Variants in KLHL1 observed in about 807,000 individuals in gnomAD.
KLHL1 encodes the protein kelch-like protein 1.
KLHL1 carries 47 observed loss-of-function variants against 77.7 expected under a neutral mutation model. That is an observed-to-expected ratio of 0.60 (90% CI 0.48 to 0.77). The LOEUF (loss-of-function observed/expected upper bound fraction) is 0.77, where lower values mean the gene tolerates loss of function less well. Ranked by LOEUF, KLHL1 falls within the 30% of genes least tolerant of loss-of-function variation. The pLI is 0.00. For missense variants in KLHL1, 925 were observed against 910.8 expected (o/e 1.02, Z -0.20); for synonymous variants, 360 against 325.2 (o/e 1.11, Z -1.15).
chr13:70,017,928 TAA>T (rs1382460297), intron 1 of KLHL1, among the ~76,000 whole-genome samples: 1 of 152,118 alleles, frequency 6.6e-6, no homozygotes, highest in Non-Finnish European at 1.5e-5. Context: ...TGTATTTAAA[TAA>T]GAGTGTAATT....
intron 3 of KLHL1, among the ~76,000 whole-genome samples, chr13:69,959,867 G>C (rs1286655269): frequency 6.6e-6 from 1 of 151,900 alleles, no homozygotes; most frequent in Non-Finnish European, 1.5e-5. Flanking sequence ...AGATTGGCCT[G>C]TGCTCTCCCT....
At chr13:69,841,624 G>A (rs372818672) in intron 5 of KLHL1, among the ~76,000 whole-genome samples, 139 of 151,726 alleles carry the variant, frequency 9.2e-4, no homozygotes, top group Admixed American at 3.2e-3. Flanking sequence ...TAAAATGACC[G>A]CATTGCTCAA....
At chr13:69,781,648 T>A (rs1876215599) in intron 7 of KLHL1, among the ~76,000 whole-genome samples, 1 of 152,166 alleles carries the variant, frequency 6.6e-6, no homozygotes, top group African/African-American at 2.4e-5. Flanking sequence ...GATATTGTAA[T>A]CATCTTTTTA....
chr13:70,024,686 C>T (rs1426475862), intron 1 of KLHL1, among the ~76,000 whole-genome samples: 8 of 147,910 alleles, frequency 5.4e-5, no homozygotes, highest in African/African-American at 2.0e-4. Context: ...CTTTTTCTTT[C>T]TTTATTTCTC....
At chr13:69,819,079 A>G (rs1408397302) in intron 6 of KLHL1, among the ~76,000 whole-genome samples, 1 of 152,222 alleles carries the variant, frequency 6.6e-6, no homozygotes. Flanking sequence ...GAATTGCTGC[A>G]TAAAAGGCTG....
At chr13:69,939,354 T>TAC (rs1433033116) in intron 4 of KLHL1, among the ~76,000 whole-genome samples, 3 of 75,772 alleles carry the variant, frequency 4.0e-5, no homozygotes, top group African/African-American at 1.0e-4. Flanking sequence ...TATATATATA[T>TAC]ATATATATAT....
At chr13:69,742,935 GA>G (rs1270607740) in intron 7 of KLHL1, among the ~76,000 whole-genome samples, 1 of 152,130 alleles carries the variant, frequency 6.6e-6, no homozygotes, top group Admixed American at 6.5e-5. Context: ...GCTTTTTAGA[GA>G]AGTATAGGTA....
chr13:69,838,110 T>G (rs1376679841), intron 6 of KLHL1, among the ~76,000 whole-genome samples: 2 of 150,564 alleles, frequency 1.3e-5, no homozygotes, highest in African/African-American at 4.9e-5. Flanking sequence ...TTACATCAGT[T>G]TTTTTCCCTG....
chr13:69,837,481 A>G (rs1000090988), intron 6 of KLHL1, among the ~76,000 whole-genome samples: 2 of 151,236 alleles, frequency 1.3e-5, no homozygotes, highest in African/African-American at 4.8e-5. Context: ...AAATCTAAAT[A>G]TACCTATACT....
chr13:69,764,751 C>T (rs1158540473), intron 7 of KLHL1, among the ~76,000 whole-genome samples: 1 of 151,810 alleles, frequency 6.6e-6, no homozygotes, highest in East Asian at 1.9e-4. Context: ...CGACTCAATT[C>T]TATTCTGAAT....
chr13:69,816,848 T>C (rs1358137661), intron 6 of KLHL1, among the ~76,000 whole-genome samples: 2 of 152,016 alleles, frequency 1.3e-5, no homozygotes, highest in African/African-American at 4.8e-5. Flanking sequence ...GTCCCAGCTA[T>C]TCGGGAGGCT....
chr13:69,788,144 A>T (rs1183641144), intron 7 of KLHL1, among the ~76,000 whole-genome samples: 2 of 152,372 alleles, frequency 1.3e-5, no homozygotes, highest in East Asian at 1.9e-4. Context: ...CATTTGACCC[A>T]GCCATCCCAT....
At chr13:69,880,717 G>A (rs1880955624) in intron 5 of KLHL1, among the ~76,000 whole-genome samples, 1 of 151,948 alleles carries the variant, frequency 6.6e-6, no homozygotes, top group Non-Finnish European at 1.5e-5. Flanking sequence ...TGGAAACGAG[G>A]GCATAAAAGA....
chr13:69,945,608 G>A (rs1883501420), intron 3 of KLHL1, among the ~76,000 whole-genome samples: 1 of 151,826 alleles, frequency 6.6e-6, no homozygotes, highest in African/African-American at 2.4e-5. Context: ...TAAAAAACTG[G>A]GCAAATGATT....
chr13:69,803,484 A>T (rs1018960107), intron 6 of KLHL1, among the ~76,000 whole-genome samples: 1 of 152,162 alleles, frequency 6.6e-6, no homozygotes, highest in African/African-American at 2.4e-5. Flanking sequence ...AATTTAAAAA[A>T]TTTCCCTTCC....
intron 4 of KLHL1, among the ~76,000 whole-genome samples, chr13:69,901,319 G>A (rs1368662313): frequency 6.6e-6 from 1 of 152,122 alleles, no homozygotes; most frequent in Non-Finnish European, 1.5e-5. Context: ...TACTGTGCAG[G>A]CACTTTAACC....
intron 7 of KLHL1, among the ~76,000 whole-genome samples, chr13:69,777,455 A>G (rs1404608370): frequency 3.3e-5 from 5 of 152,162 alleles, no homozygotes; most frequent in Admixed American, 3.3e-4. Context: ...GTCATATTAG[A>G]TATTATCCTT....
At chr13:69,739,589 G>T (rs1488314505) in intron 8 of KLHL1, among the ~76,000 whole-genome samples, 1 of 152,084 alleles carries the variant, frequency 6.6e-6, no homozygotes, top group East Asian at 1.9e-4. Context: ...AAAAAGCAGG[G>T]GTTGCAATCC....
intron 4 of KLHL1, among the ~76,000 whole-genome samples, chr13:69,914,443 T>A (rs937821241): frequency 1.3e-5 from 2 of 152,202 alleles, no homozygotes; most frequent in Non-Finnish European, 2.9e-5. Flanking sequence ...TCAGTGGCTT[T>A]CTCTTGATAC....
Sources: gnomAD v4.1 joint callset for allele counts (sites outside exome capture counted in the v4.1 genomes callset) on GRCh38, gnomAD v4.1.1 for gene constraint, MANE v1.5 for transcripts, NCBI Gene and HGNC (gene_info 2026-07-23, HGNC 2026-07-21) for gene names.